Variants in HSPA2 observed in about 807,000 individuals in gnomAD.
HSPA2 encodes the protein heat shock protein family A (Hsp70) member 2.
In HSPA2, 13 loss-of-function variants were observed where a neutral mutation model predicts 35.0. The ratio of observed to expected loss-of-function variants is 0.37; its 90% CI spans 0.24 to 0.59. HSPA2 has a LOEUF of 0.59. HSPA2 is among the 20% of genes least tolerant of loss of function. The pLI is 0.70. For missense variants in HSPA2, 565 were observed against 885.4 expected (o/e 0.64, Z 4.59); for synonymous variants, 368 against 382.1 (o/e 0.96, Z 0.43).
chr14:64,540,733 G>A (rs766532514), upstream of HSPA2: 29 of 1,462,510 alleles, frequency 2.0e-5, no homozygotes, highest in Admixed American at 4.6e-5. Context: ...AACTGGGCGC[G>A]GGGAGCTGAG....
chr14:64,540,873 C>A lies in HSPA2; in HGVS notation c.24C>A (p.Ile8=). The A allele has an allele frequency of 6.2e-7, 1 of 1,614,120 alleles. No homozygotes were observed. The highest frequency in any genetic ancestry group is 8.5e-7 in the Non-Finnish European group (1 of 1,180,026). MSARGPA[I]GIDLGTTYSC... ...GGATGTCTGCCCGTGGCCCGGCTATCGGCATCGACCTGGGCACCACCTATT... is the reference window on the plus strand; with the variant it reads ...GGATGTCTGCCCGTGGCCCGGCTATAGGCATCGACCTGGGCACCACCTATT... Residue 8 remains isoleucine, a synonymous_variant, in exon 1 of 1, where the codon ATC becomes ATA. Transcript: ENST00000247207.
upstream of HSPA2, among the ~76,000 whole-genome samples, chr14:64,539,634 T>TC (rs1261539426): frequency 6.7e-6 from 1 of 149,618 alleles, no homozygotes; most frequent in African/African-American, 2.6e-5. Flanking sequence ...GGGAAAACGG[T>TC]CGGCCTCGCC....
rs769205905 is a variant in HSPA2 at position 64,542,128 on chromosome 14, C to T, written c.1279C>T (p.Gln427Ter). 1.2e-6 allele frequency: 2 copies of T among 1,613,468 alleles called. No homozygotes were observed. The highest frequency in any genetic ancestry group is 1.7e-6 in the Non-Finnish European group (2 of 1,180,008). Reference sequence around the variant, plus strand: ...GAGGAACACCACGATCCCCACCAAGCAGACGCAGACCTTCACCACCTACTC... The same window carrying T: ...GAGGAACACCACGATCCCCACCAAGTAGACGCAGACCTTCACCACCTACTC... ...IKRNTTIPTK[Q>*]TQTFTTYSDN... Residue 427 changes from glutamine to a stop codon, truncating the protein, a stop_gained, in exon 1 of 1, where the codon CAG becomes TAG. Coordinates refer to ENST00000247207, the MANE Select transcript of HSPA2 (RefSeq NM_021979.4). LOFTEE classifies it high-confidence loss of function. The surrounding 1 kb of genome is among the most constrained non-coding windows in gnomAD (Gnocchi z 5.7).
rs764393195 is a variant in HSPA2 at position 64,541,970 on chromosome 14, A to G, written c.1121A>G (p.Tyr374Cys). The G allele has an allele frequency of 1.2e-6, 2 of 1,613,600 alleles. No individual in the cohort carries two copies. The highest frequency in any genetic ancestry group is 1.1e-5 in the South Asian group (1 of 91,090). The change falls in exon 1 of 1, where the codon TAT becomes TGT. Residue 374 changes from tyrosine to cysteine, a missense_variant. Transcript: ENST00000247207. The part of the protein sequence containing the change: ...KSINPDEAVA[Y>C]GAAVQAAILI... ...ATCAACCCCGACGAGGCGGTGGCCT[A>G]TGGCGCCGCGGTGCAGGCGGCCATC...
At chr14:64,539,882 A>G (rs1024491799), upstream of HSPA2, among the ~76,000 whole-genome samples, 2 of 151,894 alleles carry the variant, frequency 1.3e-5, no homozygotes, top group East Asian at 3.9e-4. Flanking sequence ...GGCTTTCACC[A>G]TGTTGGCCAG....
In HSPA2 at chr14:64,542,724, C is replaced by T. The variant is rs769542793; in HGVS notation, c.1875C>T (p.Gly625=). ...QGGPGGGSGG[G]GSGASGGPTI... is the part of the protein sequence containing the mutation. ...GTCCTGGCGGCGGCAGCGGCGGCGGCGGTTCAGGAGCCTCCGGGGGACCCA... is the reference window on the plus strand; with the variant it reads ...GTCCTGGCGGCGGCAGCGGCGGCGGTGGTTCAGGAGCCTCCGGGGGACCCA... The change falls in exon 1 of 1, where the codon GGC becomes GGT. Residue 625 remains glycine (G), a synonymous_variant. Coordinates refer to ENST00000247207, the MANE Select transcript of HSPA2 (RefSeq NM_021979.4). This position sits in a 1 kb window ranked among gnomAD's most constrained non-coding sequence, Gnocchi z 5.7. The T allele has an allele frequency of 1.2e-6, 2 of 1,612,974 alleles. No homozygotes were observed. Among genetic ancestry groups the T allele is most frequent in the Non-Finnish European group, 1.7e-6 (2 of 1,179,512 alleles).
upstream of HSPA2, among the ~76,000 whole-genome samples, chr14:64,538,015 G>A (rs1442913998): frequency 2.0e-5 from 3 of 151,764 alleles, no homozygotes; most frequent in Non-Finnish European, 4.4e-5. Flanking sequence ...ATGAGCCACC[G>A]CGTCCAGCCT....
At chr14:64,538,076 A>G (rs557281046), upstream of HSPA2, among the ~76,000 whole-genome samples, 1 of 152,256 alleles carries the variant, frequency 6.6e-6, no homozygotes, top group East Asian at 1.9e-4. Flanking sequence ...TTTCAAATTC[A>G]TGGAAAAGAG....
Position 64,540,809 on chromosome 14 carries a change from C to T in HSPA2, c.-41C>T, listed in dbSNP as rs921674838. 1.9e-6 allele frequency: 3 copies of T among 1,605,412 alleles called. No homozygotes were observed. In the African/African-American group the frequency reaches 4.0e-5, roughly 21 times the overall value. ...TAGTTGACTCCGCGGAGTTCATCTC[C>T]CTGGTTTTCCCGTCCTAACGTCGCT... is the stretch of plus-strand genomic sequence containing the variant. On this transcript the variant is annotated 5_prime_UTR_variant, in exon 1 of 1. Coordinates refer to ENST00000247207, the MANE Select transcript of HSPA2 (RefSeq NM_021979.4).
chr14:64,539,017 G>T (rs550511970), upstream of HSPA2, among the ~76,000 whole-genome samples: 1 of 152,256 alleles, frequency 6.6e-6, no homozygotes, highest in African/African-American at 2.4e-5. Flanking sequence ...TGTTGGCCAG[G>T]CTGGCCTCGA....
Position 64,541,111 on chromosome 14 carries a change from A to C in HSPA2, c.262A>C (p.Met88Leu). ...CGAGGATGCCACAGTGCAGTCGGAT[A>C]TGAAACACTGGCCGTTCCGGGTGGT... ...KFEDATVQSD[M>L]KHWPFRVVSE... Residue 88 changes from methionine to leucine, a missense_variant, in exon 1 of 1, where the codon ATG becomes CTG. By Grantham distance (15) the Met-to-Leu change is conservative. Transcript: ENST00000247207. The C allele has an allele frequency of 6.2e-7, 1 of 1,614,238 alleles. No homozygotes were observed. Among genetic ancestry groups the C allele is most frequent in the Non-Finnish European group, 8.5e-7 (1 of 1,180,038 alleles).
At position 64,542,642 on chromosome 14, in the gene HSPA2, A is replaced by T. The variant is rs142308248; in HGVS notation, c.1793A>T (p.Lys598Met). The change falls in exon 1 of 1, where the codon AAG becomes ATG. Residue 598 changes from lysine (K) to methionine (M), a missense_variant. Physicochemically the swap from Lys to Met is moderately conservative, Grantham distance 95. Transcript: ENST00000247207. The surrounding 1 kb of genome is among the most constrained non-coding windows in gnomAD (Gnocchi z 5.7). ...QMAEKDEYEHKQKELERVCNP... is the reference protein window; with the variant it reads ...QMAEKDEYEHMQKELERVCNP... ...GCAGAGAAAGATGAGTATGAACACA[A>T]GCAGAAAGAGCTCGAAAGAGTTTGC... is the stretch of plus-strand genomic sequence containing the variant. 6.2e-7 allele frequency: 1 copy of T among 1,613,994 alleles called. No individual in the cohort carries two copies. Among genetic ancestry groups the T allele is most frequent in the Non-Finnish European group, 8.5e-7 (1 of 1,180,004 alleles).
chr14:64,540,780 C>T lies in HSPA2; in HGVS notation c.-70C>T, dbSNP rs957488081. 8.2e-6 allele frequency: 13 copies of T among 1,577,956 alleles called. No homozygotes were observed. The highest frequency in any genetic ancestry group is 9.5e-6 in the Non-Finnish European group (11 of 1,161,180). ...GCCCGTGGTGCTTGGTTCGAGGTGG[C>T]CGTTAGTTGACTCCGCGGAGTTCAT... On this transcript the variant is annotated 5_prime_UTR_variant, in exon 1 of 1. Transcript: ENST00000247207.
At chr14:64,536,558 C>T (rs548507186), upstream of HSPA2, among the ~76,000 whole-genome samples, 51 of 152,140 alleles carry the variant, frequency 3.4e-4, 1 homozygote, top group Admixed American at 2.2e-3. Context: ...CTAAGGAGTT[C>T]GAGACCAGAC....
In HSPA2 at chr14:64,541,622, C is replaced by T. The variant is rs1165823775; in HGVS notation, c.773C>T (p.Pro258Leu). 1.9e-6 allele frequency: 3 copies of T among 1,611,180 alleles called. No homozygotes were observed. Among genetic ancestry groups the T allele is most frequent in the Non-Finnish European group, 1.7e-6 (2 of 1,179,852 alleles). ...CGCAAGCACAAGAAGGACATTGGGC[C>T]CAACAAGCGCGCCGTGAGGCGGCTG... ...FKRKHKKDIGPNKRAVRRLRT... is the reference protein window; with the variant it reads ...FKRKHKKDIGLNKRAVRRLRT... The change falls in exon 1 of 1, where the codon CCC becomes CTC. Residue 258 changes from proline to leucine, a missense_variant. Physicochemically the swap from Pro to Leu is moderately conservative, Grantham distance 98. Coordinates refer to ENST00000247207, the MANE Select transcript of HSPA2 (RefSeq NM_021979.4).
upstream of HSPA2, among the ~76,000 whole-genome samples, chr14:64,539,576 G>A (rs890454632): frequency 6.6e-6 from 1 of 152,118 alleles, no homozygotes; most frequent in South Asian, 2.1e-4. Context: ...AGGACAAGTC[G>A]CCGCCACACC....
At chr14:64,539,335 C>T (rs1043799512), upstream of HSPA2, among the ~76,000 whole-genome samples, 1 of 152,090 alleles carries the variant, frequency 6.6e-6, no homozygotes, top group African/African-American at 2.4e-5. Flanking sequence ...ATCACAACCC[C>T]GTGTGTGCCA....
rs1049375766 is a variant in HSPA2, at chr14:64,543,205, C to A, written c.*436C>A. 7.9e-5 allele frequency: 15 copies of A among 188,852 alleles called. No individual in the cohort carries two copies. The highest frequency in any genetic ancestry group is 3.1e-4 in the African/African-American group (13 of 41,658). 11.7% of individuals were successfully genotyped at this position (188,852 alleles called of 1,614,324 possible). A position where few individuals can be genotyped will look rare whatever the true frequency, so the allele number is the denominator to read the frequency against. On this transcript the variant is annotated 3_prime_UTR_variant, in exon 1 of 1. Transcript: ENST00000247207. ...CTTTTTGCAAACAAATGCATAAATG[C>A]AAATGTAAAGTAAAGCTGAAATTGA...
chr14:64,540,601 T>C (rs977611861), upstream of HSPA2: 2 of 565,102 alleles, frequency 3.5e-6, no homozygotes, highest in Non-Finnish European at 6.1e-6. Flanking sequence ...TTGAAATCTG[T>C]TGGGTCACGG....
Sources: gnomAD v4.1 joint callset for allele counts (sites outside exome capture counted in the v4.1 genomes callset) on GRCh38, gnomAD v4.1.1 for gene constraint, Gnocchi (gnomAD v3.1) non-coding constraint, MANE v1.5 for transcripts, NCBI Gene and HGNC (gene_info 2026-07-23, HGNC 2026-07-21) for gene names.